UGT1A9: variants seen among roughly 807,000 people sequenced by gnomAD.
UGT1A9 encodes the protein UDP glucuronosyltransferase family 1 member A9, also known as UDP-glucuronosyltransferase 1A9.
A neutral mutation model predicts 45.0 loss-of-function variants in UGT1A9; 35 were observed. The observed-to-expected ratio is 0.78, with a 90% confidence interval of 0.59 to 1.03. The LOEUF (loss-of-function observed/expected upper bound fraction) is 1.03. Ranked by LOEUF, UGT1A9 falls within the 50% of genes least tolerant of loss-of-function variation. The pLI is 0.00. For missense variants in UGT1A9, 687 were observed against 666.6 expected (o/e 1.03, Z -0.34); for synonymous variants, 278 against 250.6 (o/e 1.11, Z -1.03).
At chr2:233,748,739 G>A (rs572551381) in intron 1 of UGT1A9, among the ~76,000 whole-genome samples, 1 of 151,736 alleles carries the variant, frequency 6.6e-6, no homozygotes, top group Admixed American at 6.5e-5. Flanking sequence ...ACATCTCAGA[G>A]TTCGGAAGGC....
chr2:233,681,530 C>CAA (rs747693860), intron 1 of UGT1A9, among the ~76,000 whole-genome samples: 3,703 of 77,430 alleles, frequency 0.048, 125 homozygotes, highest in Non-Finnish European at 0.069. Flanking sequence ...GACTCCATCT[C>CAA]AAAAAAAAAA....
chr2:233,768,127 A>G, intron 3 of UGT1A9, 93 bp from the exon 4 acceptor site: 1 of 1,605,192 alleles, frequency 6.2e-7, no homozygotes, highest in Admixed American at 1.7e-5. Flanking sequence ...TGTGAGTAAC[A>G]CTGAGTCTTT....
intron 1 of UGT1A9, among the ~76,000 whole-genome samples, chr2:233,731,469 T>C (rs1244110425): frequency 6.6e-6 from 1 of 152,156 alleles, no homozygotes; most frequent in Non-Finnish European, 1.5e-5. Context: ...TGGCGTGTGA[T>C]GTTCCCTGGC....
intron 1 of UGT1A9, chr2:233,693,224 A>C (rs1302767183): frequency 6.2e-7 from 1 of 1,614,120 alleles, no homozygotes; most frequent in Non-Finnish European, 8.5e-7. Flanking sequence ...CAAATACTAC[A>C]CAAGAAAAAT....
Position 233,772,789 on chromosome 2 carries a change from G to A in UGT1A9, c.*230G>A. ...CCCCTCTGGTGTCTTTGATCAGGAT[G>A]ACATGTGCCATTTTTCAGAGGACGT... On this transcript the variant is annotated 3_prime_UTR_variant, in exon 5 of 5. Coordinates refer to ENST00000354728, the MANE Select transcript of UGT1A9 (RefSeq NM_021027.3). 8.1e-7 allele frequency: 1 copy of A among 1,234,684 alleles called. No homozygotes were observed. Among genetic ancestry groups the A allele is most frequent in the Non-Finnish European group, 1.1e-6 (1 of 930,096 alleles). The allele number at this position is 1,234,684 out of a possible 1,614,324, so 76.5% of individuals were successfully genotyped here. A position where few individuals can be genotyped will look rare whatever the true frequency, so the allele number is the denominator to read the frequency against.
rs1293478341 is a variant in UGT1A9, at chr2:233,720,768, G to A, written c.856-46266G>A. On this transcript the variant is annotated intron_variant, in intron 1 of 4. Coordinates refer to ENST00000354728, the MANE Select transcript of UGT1A9 (RefSeq NM_021027.3). ...TCGCCCAGGCTGGAGGGCAGTGGCCGGATCTCCGCTCACTGCAACCTTCAC... is the reference window on the plus strand; with the variant it reads ...TCGCCCAGGCTGGAGGGCAGTGGCCAGATCTCCGCTCACTGCAACCTTCAC... Among the ~76,000 whole-genome samples, 6 of 150,528 alleles carry A rather than the reference G, an allele frequency of 4.0e-5. No individual in the cohort carries two copies. The South Asian group carries it at 8.4e-4, about 21-fold the overall frequency.
intron 1 of UGT1A9, among the ~76,000 whole-genome samples, chr2:233,726,781 C>T (rs2077561250): frequency 6.6e-6 from 1 of 152,176 alleles, no homozygotes; most frequent in Non-Finnish European, 1.5e-5. Context: ...TAAAGTGAAA[C>T]CCACATCTTA....
At chr2:233,706,574 G>A (rs1295040383) in intron 1 of UGT1A9, among the ~76,000 whole-genome samples, 5 of 152,174 alleles carry the variant, frequency 3.3e-5, no homozygotes, top group African/African-American at 1.2e-4. Flanking sequence ...TAGGGTAAGA[G>A]TGGAGATGGG....
chr2:233,693,656 G>A (rs764049007), intron 1 of UGT1A9: 1 of 1,614,020 alleles, frequency 6.2e-7, no homozygotes, highest in Admixed American at 1.7e-5. Context: ...TAATTTGTTG[G>A]AGCCCTATCT....
chr2:233,743,604 C>T (rs780370004), intron 1 of UGT1A9: 10 of 1,367,184 alleles, frequency 7.3e-6, no homozygotes, highest in Middle Eastern at 2.1e-4. Flanking sequence ...TCCTGGCCGC[C>T]GAAGAACTCC....
chr2:233,732,709 C>A (rs540969589), intron 1 of UGT1A9, among the ~76,000 whole-genome samples: 5 of 150,878 alleles, frequency 3.3e-5, no homozygotes, highest in Non-Finnish European at 7.4e-5. Flanking sequence ...GTTACTGTAG[C>A]CTTGTAGTAC....
chr2:233,759,973 C>G (rs1206858232), intron 1 of UGT1A9, among the ~76,000 whole-genome samples: 2 of 152,170 alleles, frequency 1.3e-5, no homozygotes, highest in African/African-American at 4.8e-5. Context: ...TTCTTCCTCT[C>G]TGGTAACACT....
intron 4 of UGT1A9, among the ~76,000 whole-genome samples, chr2:233,768,830 T>G (rs1378078075): frequency 6.6e-6 from 1 of 152,106 alleles, no homozygotes; most frequent in Non-Finnish European, 1.5e-5. Flanking sequence ...GTGATCCACC[T>G]GCCTCGGCCT....
chr2:233,695,126 T>TTTTG (rs1559347637), intron 1 of UGT1A9, among the ~76,000 whole-genome samples: 1 of 107,354 alleles, frequency 9.3e-6, no homozygotes, highest in Non-Finnish European at 1.9e-5. Flanking sequence ...AACCCTTTTC[T>TTTTG]TTTCTTTTTT....
intron 1 of UGT1A9, chr2:233,743,847 G>C (rs771949487): frequency 2.9e-6 from 4 of 1,367,222 alleles, no homozygotes; most frequent in East Asian, 4.5e-5. Flanking sequence ...GCCAGCTTGC[G>C]GTACGCCTTC....
intron 1 of UGT1A9, among the ~76,000 whole-genome samples, chr2:233,687,643 A>G (rs1430183342): frequency 6.6e-6 from 1 of 151,812 alleles, no homozygotes; most frequent in Non-Finnish European, 1.5e-5. Flanking sequence ...TGGCTCACAC[A>G]TGTAATCACA....
intron 1 of UGT1A9, among the ~76,000 whole-genome samples, chr2:233,678,189 A>T (rs918890565): frequency 6.6e-6 from 1 of 152,206 alleles, no homozygotes; most frequent in African/African-American, 2.4e-5. Context: ...AGGCTGCAAG[A>T]GTTGAAAAAC....
At chr2:233,732,755 G>GTTTT (rs956485327) in intron 1 of UGT1A9, among the ~76,000 whole-genome samples, 5 of 120,226 alleles carry the variant, frequency 4.2e-5, no homozygotes, top group African/African-American at 9.1e-5. Context: ...CACCAGCTTT[G>GTTTT]TTTTTTTTTT....
At chr2:233,693,977 T>TG in intron 1 of UGT1A9, 1 of 1,559,130 alleles carries the variant, frequency 6.4e-7, no homozygotes, top group Non-Finnish European at 8.7e-7. Context: ...GGAGAAACGG[T>TG]GGGGGGAAGT....
Sources: gnomAD v4.1 joint callset for allele counts (sites outside exome capture counted in the v4.1 genomes callset) on GRCh38, gnomAD v4.1.1 for gene constraint, MANE v1.5 for transcripts, NCBI Gene and HGNC (gene_info 2026-07-23, HGNC 2026-07-21) for gene names.